Variants in ZFHX4 observed in about 807,000 individuals in gnomAD.
ZFHX4 encodes the protein zinc finger homeobox 4, also known as zinc finger homeobox protein 4.
A neutral mutation model predicts 267.6 loss-of-function variants in ZFHX4; 56 were observed. The observed-to-expected ratio is 0.21, with a 90% CI of 0.17 to 0.26. The LOEUF is 0.26. Among genes scored for constraint, ZFHX4 ranks in the 10% least tolerant of loss-of-function variants. The pLI is 1.00. For missense variants in ZFHX4, 4,332 were observed against 4,420.0 expected (o/e 0.98, Z 0.56); for synonymous variants, 1,778 against 1,665.6 (o/e 1.07, Z -1.64).
intron 4 of ZFHX4, among the ~76,000 whole-genome samples, chr8:76,828,324 C>T (rs1179453189): frequency 2.0e-5 from 3 of 151,734 alleles, no homozygotes; most frequent in Non-Finnish European, 2.9e-5. Context: ...GCCCAGGAGT[C>T]CTGAGGGATG....
At chr8:76,842,900 T>G in intron 6 of ZFHX4, 129 bp downstream of exon 6, 2 of 586,882 alleles carry the variant, frequency 3.4e-6, no homozygotes, top group Non-Finnish European at 3.0e-6. Flanking sequence ...TGTCTGAACA[T>G]TCCCACTACT....
At chr8:76,706,979 C>A (rs780776756) in intron 2 of ZFHX4, among the ~76,000 whole-genome samples, 68 of 152,134 alleles carry the variant, frequency 4.5e-4, no homozygotes, top group Non-Finnish European at 1.9e-4. Context: ...ATTAGCCATA[C>A]CTTACAAGGT....
chr8:76,705,332 T>C lies in ZFHX4; in HGVS notation c.1244T>C (p.Val415Ala), dbSNP rs1486702619. The C allele has an allele frequency of 6.2e-7, 1 of 1,613,792 alleles. No individual in the cohort carries two copies. Among genetic ancestry groups the C allele is most frequent in the East Asian group, 2.2e-5 (1 of 44,868 alleles). The change falls in exon 2 of 11, where the codon GTA becomes GCA. Residue 415 changes from valine to alanine, a missense_variant. By Grantham distance (64) the Val-to-Ala change is moderately conservative. This residue lies in a region of ZFHX4 where 1,195 missense variants were observed against 1,173.6 expected (regional missense o/e 1.02). Coordinates refer to ENST00000651372, the MANE Select transcript of ZFHX4 (RefSeq NM_024721.5). ...EVNLGGLSSL[V>A]VNTPITSVSL... The stretch of plus-strand genomic sequence containing the variant: ...AATCTGGGGGGGCTGTCTAGTTTAG[T>C]AGTGAACACCCCAATTACCTCTGTC...
intron 1 of ZFHX4, among the ~76,000 whole-genome samples, chr8:76,698,699 A>C (rs559467887): frequency 6.6e-6 from 1 of 152,030 alleles, no homozygotes; most frequent in South Asian, 2.1e-4. Flanking sequence ...AGAGGAAAAC[A>C]GAGAAAAACG....
intron 4 of ZFHX4, among the ~76,000 whole-genome samples, chr8:76,797,801 A>G (rs774546986): frequency 3.3e-5 from 5 of 152,078 alleles, no homozygotes; most frequent in Non-Finnish European, 7.4e-5. Context: ...TGATGTAACT[A>G]TAAGAGGTAT....
rs558388230 is a variant in ZFHX4, at chr8:76,700,764, C to T, written c.-46-3279C>T. 2.6e-5 allele frequency among the ~76,000 whole-genome samples: 4 copies of T among 152,258 alleles called. No homozygotes were observed. In the South Asian group the frequency reaches 8.3e-4, roughly 32 times the overall value. ...AGCAGACCAGCAGGTATGTATTGCTCTGAATTTAGCATTAAAACTATGTTA... is the reference window on the plus strand; with the variant it reads ...AGCAGACCAGCAGGTATGTATTGCTTTGAATTTAGCATTAAAACTATGTTA... On this transcript the variant is annotated intron_variant, in intron 1 of 10. Transcript: ENST00000651372.
chr8:76,803,244 G>A (rs1221964905), intron 4 of ZFHX4, among the ~76,000 whole-genome samples: 2 of 151,770 alleles, frequency 1.3e-5, no homozygotes, highest in Non-Finnish European at 2.9e-5. Flanking sequence ...TATTGTGTGT[G>A]TGTGCATGCG....
intron 3 of ZFHX4, among the ~76,000 whole-genome samples, chr8:76,777,245 A>G (rs1239374828): frequency 6.6e-6 from 1 of 152,200 alleles, no homozygotes; most frequent in African/African-American, 2.4e-5. Context: ...TTAAAAATAA[A>G]CTACTGTAAC....
In ZFHX4 at chr8:76,856,128, A is replaced by G; in HGVS notation, c.9207A>G (p.Lys3069=). 6.8e-6 allele frequency: 11 copies of G among 1,613,988 alleles called. No individual in the cohort carries two copies. The highest frequency in any genetic ancestry group is 8.5e-6 in the Non-Finnish European group (10 of 1,179,872). Residue 3069 remains lysine (K), a synonymous_variant, in exon 10 of 11, where the codon AAA becomes AAG. Transcript: ENST00000651372. The part of the protein sequence containing the change: ...MAQQELDRIK[K]ASDVLGLTVQ... ...AGCAAGAACTTGATCGTATAAAGAA[A>G]GCTTCAGACGTGCTGGGCTTGACGG...
intron 3 of ZFHX4, among the ~76,000 whole-genome samples, chr8:76,758,427 G>A (rs1479562813): frequency 6.6e-6 from 1 of 152,092 alleles, no homozygotes; most frequent in Non-Finnish European, 1.5e-5. Context: ...ATAAGAACAG[G>A]TATTTTCCTC....
Position 76,836,486 on chromosome 8 carries a change from G to A in ZFHX4, c.3394+3080G>A, listed in dbSNP as rs1372478977. Among the ~76,000 whole-genome samples the A allele has an allele frequency of 5.3e-5, 8 of 152,192 alleles. No homozygotes were observed. In the East Asian group the frequency reaches 5.8e-4, roughly 11 times the overall value. ...TCTCTGAGGAAATGACAAGTGAGCC[G>A]AGTCCTGGTTAATGAAAAGGAGCCA... On this transcript the variant is annotated intron_variant, in intron 5 of 10. Coordinates refer to ENST00000651372, the MANE Select transcript of ZFHX4 (RefSeq NM_024721.5).
intron 1 of ZFHX4, among the ~76,000 whole-genome samples, chr8:76,690,954 A>G (rs1807809252): frequency 6.6e-6 from 1 of 152,082 alleles, no homozygotes; most frequent in African/African-American, 2.4e-5. Flanking sequence ...CCTTACGATC[A>G]TTCAGTTCAA....
At chr8:76,835,285 G>T (rs1812065140) in intron 5 of ZFHX4, among the ~76,000 whole-genome samples, 4 of 86,464 alleles carry the variant, frequency 4.6e-5, no homozygotes, top group Admixed American at 1.2e-4. Flanking sequence ...GTTAAAAATG[G>T]CAGTTACACC....
At position 76,863,386 on chromosome 8, in the gene ZFHX4, T is replaced by G; in HGVS notation, c.9672T>G (p.Ser3224=). 1 of 1,614,000 alleles carries G rather than the reference T, an allele frequency of 6.2e-7. No homozygotes were observed. The highest frequency in any genetic ancestry group is 8.5e-7 in the Non-Finnish European group (1 of 1,179,862). Residue 3224 remains serine (S), a synonymous_variant, in exon 11 of 11, where the codon TCT becomes TCG. Transcript: ENST00000651372. ...KHPKKEEKIS[S]ALSVLGKVVG... ...CCAAAAAAGAGGAAAAAATCTCATC[T>G]GCTCTTTCAGTGTTGGGCAAAGTTG...
At chr8:76,813,548 A>C (rs1811430242) in intron 4 of ZFHX4, among the ~76,000 whole-genome samples, 1 of 152,212 alleles carries the variant, frequency 6.6e-6, no homozygotes. Context: ...CTTTCAAATC[A>C]AAATTTTTCC....
At chr8:76,844,308 G>A (rs1314924589) in intron 6 of ZFHX4, among the ~76,000 whole-genome samples, 1 of 152,074 alleles carries the variant, frequency 6.6e-6, no homozygotes, top group African/African-American at 2.4e-5. Flanking sequence ...ACAGATTGTG[G>A]AATATATCCT....
intron 3 of ZFHX4, among the ~76,000 whole-genome samples, chr8:76,737,695 T>TG (rs1809202503): frequency 6.6e-6 from 1 of 152,200 alleles, no homozygotes; most frequent in Non-Finnish European, 1.5e-5. Context: ...GCATAGTGCC[T>TG]GGAACATAAT....
chr8:76,693,237 A>G (rs537767623), intron 1 of ZFHX4, among the ~76,000 whole-genome samples: 1 of 152,358 alleles, frequency 6.6e-6, no homozygotes, highest in East Asian at 1.9e-4. Flanking sequence ...ACTTCAGTTT[A>G]CTGTACTACT....
At chr8:76,745,881 A>C (rs1036676479) in intron 3 of ZFHX4, among the ~76,000 whole-genome samples, 5 of 152,162 alleles carry the variant, frequency 3.3e-5, no homozygotes, top group African/African-American at 1.2e-4. Context: ...TAATTAATGC[A>C]ATGTTCTTTT....
Sources: allele counts gnomAD v4.1 joint callset (sites outside exome capture counted in the v4.1 genomes callset), GRCh38; gene constraint gnomAD v4.1.1; regional missense constraint gnomAD v4.1.1; transcripts MANE v1.5; gene names NCBI Gene and HGNC (gene_info 2026-07-23, HGNC 2026-07-21).